DENND5A: variants seen among roughly 807,000 people sequenced by gnomAD.
The protein encoded by DENND5A is DENN domain containing 5A, also known as DENN domain-containing protein 5A.
A neutral mutation model predicts 140.3 loss-of-function variants in DENND5A; 64 were observed. The observed-to-expected ratio is 0.46, with a 90% CI of 0.37 to 0.56. The LOEUF (loss-of-function observed/expected upper bound fraction) is 0.56, where lower values mean the gene tolerates loss of function less well. DENND5A is among the 20% of genes least tolerant of loss of function. The pLI is 0.00. For synonymous variants in DENND5A, 605 were observed against 607.7 expected (o/e 1.00, Z 0.07); for missense variants, 1,292 against 1,593.8 (o/e 0.81, Z 3.22).
intron 10 of DENND5A, among the ~76,000 whole-genome samples, chr11:9,168,191 A>G (rs1848253539): frequency 6.6e-6 from 1 of 150,604 alleles, no homozygotes; most frequent in South Asian, 2.1e-4. Flanking sequence ...TGTAGCTCCT[A>G]CAATTCCCAC....
chr11:9,170,129 A>T (rs1271621259), intron 9 of DENND5A, 180 bp from the exon 10 acceptor site: 1 of 404,254 alleles, frequency 2.5e-6, no homozygotes, highest in African/African-American at 2.2e-5. Context: ...GTGACTGGAC[A>T]TGAGAGAGAC....
At chr11:9,181,576 A>G (rs1848733610) in intron 5 of DENND5A, among the ~76,000 whole-genome samples, 1 of 151,966 alleles carries the variant, frequency 6.6e-6, no homozygotes, top group Non-Finnish European at 1.5e-5. Flanking sequence ...GTCTCTACAA[A>G]AAAATGCAAA....
chr11:9,252,546 C>T (rs796709507), intron 1 of DENND5A, among the ~76,000 whole-genome samples: 64 of 152,030 alleles, frequency 4.2e-4, no homozygotes, highest in African/African-American at 1.5e-3. Flanking sequence ...ACTCAGGAGG[C>T]TGAGGCAGAA....
At chr11:9,239,909 T>C (rs936213461) in intron 1 of DENND5A, among the ~76,000 whole-genome samples, 1 of 152,240 alleles carries the variant, frequency 6.6e-6, no homozygotes, top group Non-Finnish European at 1.5e-5. Context: ...AATTTATGTA[T>C]AGTCCCTCGG....
intron 15 of DENND5A, 57 bp downstream of exon 15, chr11:9,150,024 C>T: frequency 1.3e-6 from 2 of 1,557,216 alleles, no homozygotes; most frequent in Non-Finnish European, 1.7e-6. Flanking sequence ...CACAAGTTTC[C>T]AATCTCTTCC....
chr11:9,223,878 A>C (rs1225853441), intron 1 of DENND5A, among the ~76,000 whole-genome samples: 1 of 152,234 alleles, frequency 6.6e-6, no homozygotes, highest in African/African-American at 2.4e-5. Flanking sequence ...AACAGAGGGC[A>C]TGCCCTGACC....
chr11:9,215,052 C>T (rs1850035541), intron 1 of DENND5A, among the ~76,000 whole-genome samples: 3 of 152,100 alleles, frequency 2.0e-5, no homozygotes, highest in Admixed American at 2.0e-4. Flanking sequence ...AGTCCTCTTC[C>T]AAGGCACTAA....
chr11:9,238,906 A>T (rs999179496), intron 1 of DENND5A, among the ~76,000 whole-genome samples: 1 of 146,928 alleles, frequency 6.8e-6, no homozygotes, highest in African/African-American at 2.5e-5. Flanking sequence ...ATCTCGGCTC[A>T]TTGCAATTTC....
chr11:9,140,746 C>T (rs1415221313), intron 22 of DENND5A, among the ~76,000 whole-genome samples: 1 of 152,204 alleles, frequency 6.6e-6, no homozygotes, highest in African/African-American at 2.4e-5. Context: ...TCTCCTCTAC[C>T]TTTTCAGCAT....
chr11:9,226,082 A>AAATCATCATCATCATCATTAT lies in DENND5A; in HGVS notation c.110-18471_110-18451dup, dbSNP rs534085556. Among the ~76,000 whole-genome samples the AAATCATCATCATCATCATTAT allele has an allele frequency of 3.7e-3, 562 of 152,272 alleles. 5 individuals are homozygous for AAATCATCATCATCATCATTAT. The highest frequency in any genetic ancestry group is 0.013 in the African/African-American group (542 of 41,534). On this transcript the variant is annotated intron_variant, in intron 1 of 22. Coordinates refer to ENST00000328194, the MANE Select transcript of DENND5A (RefSeq NM_015213.4). ...GCAACAGAGTGAGACCCTGTCTCAA[A>AAATCATCATCATCATCATTAT]AATCATCATCATCATCATTATCATC...
intron 22 of DENND5A, among the ~76,000 whole-genome samples, chr11:9,141,486 G>C (rs1191182527): frequency 6.6e-6 from 1 of 151,934 alleles, no homozygotes; most frequent in Non-Finnish European, 1.5e-5. Flanking sequence ...TGTCTAGCCT[G>C]TTGCTCCTAA....
intron 22 of DENND5A, among the ~76,000 whole-genome samples, chr11:9,140,448 CTTAAGT>C (rs1035954680): frequency 3.0e-4 from 46 of 152,110 alleles, no homozygotes; most frequent in African/African-American, 1.1e-3. Context: ...AATAAACTGC[CTTAAGT>C]TTATTTGAGC....
At chr11:9,145,153 CAGAGA>C (rs1323080244) in intron 17 of DENND5A, 40 bp from the exon 18 acceptor site, 1 of 1,451,868 alleles carries the variant, frequency 6.9e-7, no homozygotes, top group Non-Finnish European at 9.7e-7. Context: ...TCAGGAAAAT[CAGAGA>C]AAAGAACAGT....
At chr11:9,158,713 C>T (rs1338220145) in intron 12 of DENND5A, among the ~76,000 whole-genome samples, 2 of 152,140 alleles carry the variant, frequency 1.3e-5, no homozygotes, top group African/African-American at 2.4e-5. Context: ...AGCTCTTAAA[C>T]ACTTACTATA....
chr11:9,140,001 G>A (rs1272373702), intron 22 of DENND5A, 147 bp from the exon 23 acceptor site: 30 of 989,544 alleles, frequency 3.0e-5, no homozygotes, highest in Non-Finnish European at 4.3e-5. Flanking sequence ...CCCAAACAGG[G>A]ACTGGCAAAG....
At chr11:9,226,793 A>G (rs538010417) in intron 1 of DENND5A, among the ~76,000 whole-genome samples, 2 of 152,286 alleles carry the variant, frequency 1.3e-5, no homozygotes, top group East Asian at 3.9e-4. Context: ...TCCTACAAAT[A>G]TTACTGAATG....
chr11:9,204,024 G>A lies in DENND5A; in HGVS notation c.585C>T (p.Asp195=). 8 of 1,614,164 alleles carry A rather than the reference G, an allele frequency of 5.0e-6. No homozygotes were observed. The highest frequency in any genetic ancestry group is 6.8e-6 in the Non-Finnish European group (8 of 1,180,024). Residue 195 remains aspartate, a synonymous_variant, in exon 4 of 23, where the codon GAC becomes GAT. Transcript: ENST00000328194. ...VTKLQRFNSY[D]ISRDTLYVSK... is the part of the protein sequence containing the mutation. Reference sequence around the variant, plus strand: ...AGACGTAGAGAGTGTCCCGGCTAATGTCATAGGAGTTGAAGCGCTGCAGTT... The same window carrying A: ...AGACGTAGAGAGTGTCCCGGCTAATATCATAGGAGTTGAAGCGCTGCAGTT...
intron 1 of DENND5A, among the ~76,000 whole-genome samples, chr11:9,264,710 C>G (rs1281061436): frequency 6.6e-6 from 1 of 152,152 alleles, no homozygotes; most frequent in Non-Finnish European, 1.5e-5. Context: ...GAACACACAA[C>G]CCTCCCTCTT....
intron 4 of DENND5A, among the ~76,000 whole-genome samples, chr11:9,195,447 A>T (rs1849292850): frequency 6.6e-6 from 1 of 152,200 alleles, no homozygotes; most frequent in Non-Finnish European, 1.5e-5. Flanking sequence ...TTTAAGGACA[A>T]AGCAGAAATA....
Sources: gnomAD v4.1 joint callset for allele counts (sites outside exome capture counted in the v4.1 genomes callset) on GRCh38, gnomAD v4.1.1 for gene constraint, MANE v1.5 for transcripts, NCBI Gene and HGNC (gene_info 2026-07-23, HGNC 2026-07-21) for gene names.